TAS2R1: variants seen among roughly 807,000 people sequenced by gnomAD.
TAS2R1 encodes the protein taste receptor type 2 member 1.
For synonymous variants in TAS2R1, 141 were observed against 134.2 expected, an observed-to-expected ratio of 1.05 and a Z score of -0.35; for missense variants, 370 against 353.4, an observed-to-expected ratio of 1.05 and a Z score of -0.38.
chr5:9,864,285 C>T, the TAS2R1 span, among the ~76,000 whole-genome samples: 5 of 152,092 alleles, frequency 3.3e-5, no homozygotes, highest in Non-Finnish European at 4.4e-5. Context: ...CTTTCCCACC[C>T]GATAGGAAGA....
chr5:9,868,662 A>AT, the TAS2R1 span, among the ~76,000 whole-genome samples: 1 of 152,166 alleles, frequency 6.6e-6, no homozygotes, highest in South Asian at 2.1e-4. Context: ...GCTCCTCATT[A>AT]TTTATGCAAA....
chr5:9,705,409 A>G (rs1210038325), intron 1 of TAS2R1, among the ~76,000 whole-genome samples: 1 of 152,226 alleles, frequency 6.6e-6, no homozygotes, highest in Non-Finnish European at 1.5e-5. Flanking sequence ...AAGAAGTCAC[A>G]CTGCTTCAGA....
chr5:9,646,114 T>C (rs984438567), intron 2 of TAS2R1, among the ~76,000 whole-genome samples: 2 of 152,158 alleles, frequency 1.3e-5, no homozygotes, highest in Non-Finnish European at 2.9e-5. Context: ...CTGTGACTTG[T>C]ATATTAGAGT....
chr5:9,675,848 C>G (rs1740864786), intron 1 of TAS2R1, among the ~76,000 whole-genome samples: 1 of 152,130 alleles, frequency 6.6e-6, no homozygotes, highest in Non-Finnish European at 1.5e-5. Context: ...ACTTTTATTA[C>G]ATTTTCTTGT....
chr5:9,673,952 A>G (rs1428825877), intron 1 of TAS2R1, among the ~76,000 whole-genome samples: 6 of 152,152 alleles, frequency 3.9e-5, no homozygotes, highest in Non-Finnish European at 7.4e-5. Context: ...CTCCCACCCA[A>G]TGCTCCAGCC....
chr5:9,815,177 T>C, the TAS2R1 span, among the ~76,000 whole-genome samples: 124 of 152,238 alleles, frequency 8.1e-4, 3 homozygotes, highest in Admixed American at 8.1e-3. Context: ...CTACGTCAAG[T>C]GTCAGATTCC....
the TAS2R1 span, among the ~76,000 whole-genome samples, chr5:9,743,444 T>C: frequency 6.6e-6 from 1 of 152,216 alleles, no homozygotes; most frequent in Non-Finnish European, 1.5e-5. Context: ...GCATTAGGTA[T>C]ATCTCCTAAT....
chr5:9,863,956 T>C, the TAS2R1 span, among the ~76,000 whole-genome samples: 8 of 152,184 alleles, frequency 5.3e-5, no homozygotes, highest in African/African-American at 1.4e-4. Context: ...CACCAGAGGA[T>C]AGGGCTCTCG....
intron 2 of TAS2R1, among the ~76,000 whole-genome samples, chr5:9,650,305 C>G (rs1263559536): frequency 3.3e-5 from 5 of 151,730 alleles, no homozygotes; most frequent in African/African-American, 1.2e-4. Context: ...TTTCCTAAAC[C>G]AGCCTCTGCA....
At chr5:9,647,824 T>G (rs1042697926) in intron 2 of TAS2R1, among the ~76,000 whole-genome samples, 6 of 152,206 alleles carry the variant, frequency 3.9e-5, no homozygotes. Flanking sequence ...AATATGAATT[T>G]ATTATCTATT....
the TAS2R1 span, among the ~76,000 whole-genome samples, chr5:9,719,948 A>AAAC: frequency 1.3e-4 from 19 of 146,200 alleles, no homozygotes; most frequent in African/African-American, 4.9e-4. Context: ...ACAAAAACAA[A>AAAC]AACAAACTAC....
chr5:9,694,217 A>G (rs2126520232), intron 1 of TAS2R1, among the ~76,000 whole-genome samples: 1 of 152,352 alleles, frequency 6.6e-6, no homozygotes, highest in South Asian at 2.1e-4. Flanking sequence ...GTTGGCAATA[A>G]GAAAGCAGAC....
At chr5:9,896,963 G>T in the TAS2R1 span, among the ~76,000 whole-genome samples, 1 of 152,252 alleles carries the variant, frequency 6.6e-6, no homozygotes, top group African/African-American at 2.4e-5. Flanking sequence ...AATGTCGATG[G>T]TTCAGAGAGG....
chr5:9,763,599 AG>A, the TAS2R1 span, among the ~76,000 whole-genome samples: 1 of 152,234 alleles, frequency 6.6e-6, no homozygotes, highest in East Asian at 1.9e-4. Context: ...AACATACCAC[AG>A]GAAGTTATTG....
the TAS2R1 span, among the ~76,000 whole-genome samples, chr5:9,788,592 T>TA: frequency 2.1e-3 from 318 of 151,838 alleles, no homozygotes; most frequent in African/African-American, 7.1e-3. Context: ...CTTTGTCTCT[T>TA]AAAAAAAATA....
chr5:9,864,479 A>T, the TAS2R1 span, among the ~76,000 whole-genome samples: 2 of 151,944 alleles, frequency 1.3e-5, no homozygotes, highest in Non-Finnish European at 2.9e-5. Flanking sequence ...ACTACAAAAA[A>T]AAAATTAGCT....
chr5:9,789,762 T>A, the TAS2R1 span, among the ~76,000 whole-genome samples: 7 of 152,372 alleles, frequency 4.6e-5, no homozygotes, highest in African/African-American at 1.7e-4. Flanking sequence ...AGTAGTCATT[T>A]GTGTCCACCT....
At chr5:9,898,917 T>G in the TAS2R1 span, among the ~76,000 whole-genome samples, 1 of 152,188 alleles carries the variant, frequency 6.6e-6, no homozygotes, top group Non-Finnish European at 1.5e-5. Flanking sequence ...TAATTAACAA[T>G]TATCTAGTGC....
intron 1 of TAS2R1, among the ~76,000 whole-genome samples, chr5:9,708,881 A>G (rs194066): frequency 0.49 from 74,779 of 151,924 alleles, 19,807 homozygotes; most frequent in Non-Finnish European, 0.6. Flanking sequence ...CTGTTCCCCA[A>G]CTCAGCCACA....
Sources: gnomAD v4.1 joint callset for allele counts (sites outside exome capture counted in the v4.1 genomes callset) on GRCh38, gnomAD v4.1.1 for gene constraint, MANE v1.5 for transcripts, NCBI Gene and HGNC (gene_info 2026-07-23, HGNC 2026-07-21) for gene names.